The following ETV1 variants were observed in gnomAD, a reference collection of about 807,000 sequenced individuals.
ETV1 encodes ETS variant transcription factor 1, also known as ETS translocation variant 1.
A neutral mutation model predicts 62.3 loss-of-function variants in ETV1; 27 were observed. That is an observed-to-expected ratio of 0.43 (90% CI 0.32 to 0.60). ETV1 has a LOEUF of 0.60. Among genes scored for constraint, ETV1 ranks in the 20% least tolerant of loss-of-function variants. The probability of loss-of-function intolerance (pLI) is 0.06; values close to 1 mark genes in which losing one functional copy is unlikely to be tolerated. For synonymous variants in ETV1, 222 were observed against 199.6 expected, an observed-to-expected ratio of 1.11 and a Z score of -0.94; for missense variants, 605 against 605.8, an observed-to-expected ratio of 1.00 and a Z score of 0.01.
chr7:13,983,051 C>T (rs1029747484), intron 5 of ETV1, among the ~76,000 whole-genome samples: 1 of 151,932 alleles, frequency 6.6e-6, no homozygotes, highest in African/African-American at 2.4e-5. Flanking sequence ...AACCCTTATT[C>T]GTATGATGTA....
intron 6 of ETV1, among the ~76,000 whole-genome samples, chr7:13,962,729 A>C (rs2128484656): frequency 6.6e-6 from 1 of 152,270 alleles, no homozygotes; most frequent in Non-Finnish European, 1.5e-5. Context: ...TTTCATAGAC[A>C]AACAGGGAAC....
chr7:13,913,878 CTTTTT>C (rs544899107), intron 9 of ETV1, among the ~76,000 whole-genome samples: 26 of 87,988 alleles, frequency 3.0e-4, no homozygotes, highest in African/African-American at 6.3e-4. Context: ...GGGGGTACCT[CTTTTT>C]TTTTTTTTTT....
At chr7:13,984,400 A>G (rs1782331096) in intron 5 of ETV1, among the ~76,000 whole-genome samples, 1 of 151,992 alleles carries the variant, frequency 6.6e-6, no homozygotes, top group South Asian at 2.1e-4. Context: ...ATCTCTTCTT[A>G]GCTAATACCG....
At chr7:13,985,817 A>T (rs1782497211) in intron 5 of ETV1, among the ~76,000 whole-genome samples, 1 of 152,202 alleles carries the variant, frequency 6.6e-6, no homozygotes, top group Non-Finnish European at 1.5e-5. Flanking sequence ...CCTCAACATT[A>T]GGCATTTTTG....
chr7:13,954,030 C>A (rs890081065), intron 6 of ETV1, among the ~76,000 whole-genome samples: 7 of 152,044 alleles, frequency 4.6e-5, no homozygotes, highest in African/African-American at 1.4e-4. Flanking sequence ...TAGTAACATA[C>A]AAAACAAAAT....
chr7:13,977,907 C>G (rs1273646373), intron 5 of ETV1, among the ~76,000 whole-genome samples: 2 of 152,074 alleles, frequency 1.3e-5, no homozygotes, highest in Non-Finnish European at 2.9e-5. Context: ...GTGCAGTTAT[C>G]ACACACGTCT....
intron 5 of ETV1, chr7:13,986,411 G>C: frequency 1.3e-6 from 2 of 1,485,264 alleles, no homozygotes; most frequent in South Asian, 2.8e-5. Flanking sequence ...AGATGTGATT[G>C]TGAGCTGGAA....
At chr7:13,944,999 G>T (rs1787992193) in intron 6 of ETV1, among the ~76,000 whole-genome samples, 3 of 152,108 alleles carry the variant, frequency 2.0e-5, no homozygotes, top group South Asian at 2.1e-4. Context: ...GCAGGGAATA[G>T]ATTCCCTCTC....
At position 13,988,085 on chromosome 7, in the gene ETV1, CCTT is replaced by C; in HGVS notation, c.131_133del (p.Glu45del). ...GGATTCAGCCCAAAATCAAACCTCA[CCTT>C]CTGAATCATGAGCCAGATCTCTGTT... On this transcript the variant is annotated inframe_deletion and splice_region_variant, in exon 4 of 14. Coordinates refer to ENST00000430479, the MANE Select transcript of ETV1 (RefSeq NM_004956.5). 6.2e-7 allele frequency: 1 copy of C among 1,601,598 alleles called. No homozygotes were observed. Among genetic ancestry groups the C allele is most frequent in the Non-Finnish European group, 8.6e-7 (1 of 1,168,766 alleles).
At chr7:13,982,740 G>A (rs7791209) in intron 5 of ETV1, among the ~76,000 whole-genome samples, 80,792 of 151,618 alleles carry the variant, frequency 0.53, 21,836 homozygotes, top group Admixed American at 0.61. Flanking sequence ...AAATAATGTC[G>A]TTTTTAAAGC....
At chr7:13,930,530 C>T (rs1583671997) in intron 9 of ETV1, among the ~76,000 whole-genome samples, 1 of 151,774 alleles carries the variant, frequency 6.6e-6, no homozygotes. Flanking sequence ...ACCGTGTTAG[C>T]CAGGATGGTC....
chr7:13,945,991 C>T (rs1431099401), intron 6 of ETV1, among the ~76,000 whole-genome samples: 10 of 152,194 alleles, frequency 6.6e-5, no homozygotes, highest in Non-Finnish European at 1.5e-4. Flanking sequence ...TTTCATTTCT[C>T]TTACAGTACC....
intron 12 of ETV1, among the ~76,000 whole-genome samples, chr7:13,901,263 C>A (rs1170167968): frequency 6.6e-6 from 1 of 152,170 alleles, no homozygotes; most frequent in African/African-American, 2.4e-5. Context: ...CCTTGGCCTC[C>A]AAAAGTGTTG....
rs552205572 is a variant in ETV1 at position 13,974,022 on chromosome 7, C to T, written c.235+3405G>A. On this transcript the variant is annotated intron_variant, in intron 6 of 13. Coordinates refer to ENST00000430479, the MANE Select transcript of ETV1 (RefSeq NM_004956.5). ...TGCTGAATGTGACGTGTTTCTTGTA[C>T]CCTCAAGAAGTTCACAATCTTGTCA... 5.9e-5 allele frequency among the ~76,000 whole-genome samples: 9 copies of T among 152,182 alleles called. 2 individuals carry two copies. The South Asian group carries it at 1.9e-3, about 32-fold the overall frequency.
chr7:13,922,445 T>G (rs886815394), intron 9 of ETV1, among the ~76,000 whole-genome samples: 1 of 152,140 alleles, frequency 6.6e-6, no homozygotes, highest in Non-Finnish European at 1.5e-5. Flanking sequence ...AAACACTGAA[T>G]AGTAAGTGAC....
rs35605197 is a variant in ETV1 at position 13,959,882 on chromosome 7, C to CAAA, written c.235+17542_235+17544dup. Among the ~76,000 whole-genome samples the CAAA allele has an allele frequency of 4.9e-4, 28 of 56,688 alleles. 2 individuals are homozygous for CAAA. The highest frequency in any genetic ancestry group is 7.8e-4 in the Non-Finnish European group (18 of 23,040). 37.2% of individuals were successfully genotyped at this position (56,688 alleles called of 152,430 possible). A position where few individuals can be genotyped will look rare whatever the true frequency, so the allele number is the denominator to read the frequency against. On this transcript the variant is annotated intron_variant, in intron 6 of 13. Coordinates refer to ENST00000430479, the MANE Select transcript of ETV1 (RefSeq NM_004956.5). ...TGGGCAACAGAGTGAGATTCTGTCT[C>CAAA]AAAAAAAAAAAAAAAAAAAAAAAAA... is the stretch of plus-strand genomic sequence containing the variant.
chr7:13,943,562 G>T (rs1001214710), intron 6 of ETV1, among the ~76,000 whole-genome samples: 3 of 152,184 alleles, frequency 2.0e-5, no homozygotes, highest in Admixed American at 6.5e-5. Context: ...AAAGACATGT[G>T]TGAGAATGTT....
intron 9 of ETV1, among the ~76,000 whole-genome samples, chr7:13,924,054 AT>A (rs1345489285): frequency 1.6e-4 from 25 of 152,136 alleles, no homozygotes; most frequent in African/African-American, 6.0e-4. Context: ...AATTAAAAAA[AT>A]AAAATAAAAT....
chr7:13,921,931 A>C (rs2128437400), intron 9 of ETV1, among the ~76,000 whole-genome samples: 1 of 152,328 alleles, frequency 6.6e-6, no homozygotes, highest in African/African-American at 2.4e-5. Flanking sequence ...AAGGTGGTTC[A>C]AAAATATGTA....
Sources: allele counts gnomAD v4.1 joint callset (sites outside exome capture counted in the v4.1 genomes callset), GRCh38; gene constraint gnomAD v4.1.1; transcripts MANE v1.5; gene names NCBI Gene and HGNC (gene_info 2026-07-23, HGNC 2026-07-21).